OR4K17: variants seen among roughly 807,000 people sequenced by gnomAD.
OR4K17 encodes the protein olfactory receptor family 4 subfamily K member 17.
For missense variants in OR4K17, 480 were observed against 366.3 expected, an observed-to-expected ratio of 1.31 and a Z score of -2.53; for synonymous variants, 157 against 132.8, an observed-to-expected ratio of 1.18 and a Z score of -1.25.
rs758194242 is a variant in OR4K17 at position 20,117,545 on chromosome 14, G to A, written c.46G>A (p.Gly16Arg). The A allele has an allele frequency of 6.2e-7, 1 of 1,613,822 alleles. No homozygotes were observed. The highest frequency in any genetic ancestry group is 8.5e-7 in the Non-Finnish European group (1 of 1,179,932). ...TCAAGTGTCAGAATTCATTTTGCTG[G>A]GACTGACCAGCTCCCAGGATGTAGA... The part of the protein sequence containing the change: ...QSQVSEFILL[G>R]LTSSQDVEFL... Residue 16 changes from glycine (G) to arginine (R), a missense_variant, in exon 2 of 2, where the codon GGA becomes AGA. Physicochemically the swap from Gly to Arg is moderately radical, Grantham distance 125. Coordinates refer to ENST00000641386, the MANE Select transcript of OR4K17 (RefSeq NM_001004715.5).
At position 20,121,326 on chromosome 14, in the gene OR4K17, A is replaced by G. The variant is rs1878163332; in HGVS notation, c.*2888A>G. 6.6e-6 allele frequency: 1 copy of G among 152,240 alleles called. No homozygotes were observed. Among genetic ancestry groups the G allele is most frequent in the Non-Finnish European group, 1.5e-5 (1 of 68,038 alleles). 9.4% of individuals were successfully genotyped at this position (152,240 alleles called of 1,614,324 possible). A position where few individuals can be genotyped will look rare whatever the true frequency, so the allele number is the denominator to read the frequency against. The stretch of plus-strand genomic sequence containing the variant: ...TTAAGGAAGTGCAGTAAAGTCCAAG[A>G]ACATACAGGGAAATAATTCAACAAA... On this transcript the variant is annotated 3_prime_UTR_variant, in exon 2 of 2. Coordinates refer to ENST00000641386, the MANE Select transcript of OR4K17 (RefSeq NM_001004715.5).
At chr14:20,113,749 C>T (rs1459974808) in intron 1 of OR4K17, among the ~76,000 whole-genome samples, 1 of 151,926 alleles carries the variant, frequency 6.6e-6, no homozygotes, top group Non-Finnish European at 1.5e-5. Flanking sequence ...TAATGGCCTT[C>T]CTTCAGTTCC....
At chr14:20,112,385 T>C (rs989651740) in intron 1 of OR4K17, among the ~76,000 whole-genome samples, 8 of 152,062 alleles carry the variant, frequency 5.3e-5, no homozygotes, top group Non-Finnish European at 1.0e-4. Context: ...TTAATCTCTC[T>C]GCTTTGGAAA....
At chr14:20,113,334 A>C (rs985673327) in intron 1 of OR4K17, among the ~76,000 whole-genome samples, 1 of 152,136 alleles carries the variant, frequency 6.6e-6, no homozygotes, top group Middle Eastern at 3.4e-3. Flanking sequence ...AATTATAGTT[A>C]TTCAAAAACT....
At chr14:20,114,033 G>T (rs367653105) in intron 1 of OR4K17, among the ~76,000 whole-genome samples, 7 of 151,928 alleles carry the variant, frequency 4.6e-5, no homozygotes, top group African/African-American at 1.7e-4. Flanking sequence ...ATGCAGCTTG[G>T]TTGGAGAACA....
At position 20,118,709 on chromosome 14, in the gene OR4K17, A is replaced by G. The variant is rs779196735; in HGVS notation, c.*271A>G. ...GCAAGTTTTTATTATGGATTTCAAA[A>G]GGGAGGCAGTGTACGAATAGGGTGT... On this transcript the variant is annotated 3_prime_UTR_variant, in exon 2 of 2. Coordinates refer to ENST00000641386, the MANE Select transcript of OR4K17 (RefSeq NM_001004715.5). 1.5e-4 allele frequency: 43 copies of G among 280,022 alleles called. No homozygotes were observed. Among genetic ancestry groups the G allele is most frequent in the Admixed American group, 3.0e-4 (6 of 20,122 alleles). The allele number at this position is 280,022 out of a possible 1,614,324, so 17.3% of individuals were successfully genotyped here.
In OR4K17 at chr14:20,118,296, C is replaced by T. The variant is rs1366110137; in HGVS notation, c.797C>T (p.Ser266Phe). The change falls in exon 2 of 2, where the codon TCT (serine) becomes TTT (phenylalanine). Residue 266 changes from serine (S) to phenylalanine (F), a missense_variant. Transcript: ENST00000641386. The stretch of plus-strand genomic sequence containing the variant: ...TACATTTGGCCCTTCGGCAACCACT[C>T]TGTAGATAAGTTCCTTGCTGTGTTT... Reference protein sequence around the residue: ...FIYIWPFGNHSVDKFLAVFYT... With the variant: ...FIYIWPFGNHFVDKFLAVFYT... 1 of 1,613,818 alleles carries T rather than the reference C, an allele frequency of 6.2e-7. No homozygotes were observed. Among genetic ancestry groups the T allele is most frequent in the Non-Finnish European group, 8.5e-7 (1 of 1,179,770 alleles).
chr14:20,117,932 G>T lies in OR4K17; in HGVS notation c.433G>T (p.Val145Leu). The change falls in exon 2 of 2, where the codon GTA (valine) becomes TTA (leucine). Residue 145 changes from valine (V) to leucine (L), a missense_variant. By Grantham distance (32) the Val-to-Leu change is conservative. Transcript: ENST00000641386. Reference sequence around the variant, plus strand: ...GAACAAGAAGGTATGTGTTTTGCTTGTAGTGACCTCATGGCTCTTGGGTCT... The same window carrying T: ...GAACAAGAAGGTATGTGTTTTGCTTTTAGTGACCTCATGGCTCTTGGGTCT... ...IMNKKVCVLL[V>L]VTSWLLGLLH... The T allele has an allele frequency of 6.2e-7, 1 of 1,614,088 alleles. No individual in the cohort carries two copies. The highest frequency in any genetic ancestry group is 8.5e-7 in the Non-Finnish European group (1 of 1,180,012).
In OR4K17 at chr14:20,117,516, A is replaced by G; in HGVS notation, c.17A>G (p.Gln6Arg). The change falls in exon 2 of 2, where the codon CAA becomes CGA. Residue 6 changes from glutamine (Q) to arginine (R), a missense_variant. Coordinates refer to ENST00000641386, the MANE Select transcript of OR4K17 (RefSeq NM_001004715.5). ...ATGGAGGCCATGAAACTATTAAATC[A>G]ATCTCAAGTGTCAGAATTCATTTTG... MKLLNQSQVSEFILLG... is the reference protein window; with the variant it reads MKLLNRSQVSEFILLG... 1 of 1,613,910 alleles carries G rather than the reference A, an allele frequency of 6.2e-7. No homozygotes were observed. Among genetic ancestry groups the G allele is most frequent in the East Asian group, 2.2e-5 (1 of 44,868 alleles).
Position 20,119,976 on chromosome 14 carries a change from T to C in OR4K17, c.*1538T>C, listed in dbSNP as rs920160163. The C allele has an allele frequency of 6.6e-6, 1 of 152,226 alleles. No individual in the cohort carries two copies. The highest frequency in any genetic ancestry group is 1.9e-4 in the East Asian group (1 of 5,202). 9.4% of individuals were successfully genotyped at this position (152,226 alleles called of 1,614,324 possible). A position where few individuals can be genotyped will look rare whatever the true frequency, so the allele number is the denominator to read the frequency against. On this transcript the variant is annotated 3_prime_UTR_variant, in exon 2 of 2. Transcript: ENST00000641386. Reference sequence around the variant, plus strand: ...AGATTACAGTAGTCAGTCAAGATTATTTTTAATGCAGCACCAAAAATAATA... The same window carrying C: ...AGATTACAGTAGTCAGTCAAGATTACTTTTAATGCAGCACCAAAAATAATA...
At position 20,118,617 on chromosome 14, in the gene OR4K17, A is replaced by C. The variant is rs1484649409; in HGVS notation, c.*179A>C. 2 of 485,766 alleles carry C rather than the reference A, an allele frequency of 4.1e-6. No homozygotes were observed. Among genetic ancestry groups the C allele is most frequent in the Admixed American group, 7.6e-5 (2 of 26,338 alleles). 30.1% of individuals were successfully genotyped at this position (485,766 alleles called of 1,614,324 possible). ...AGAATACAAAAGAGAGAAATTTTAA[A>C]GCTGGGTGTCCAGGGGAGACATCAC... On this transcript the variant is annotated 3_prime_UTR_variant, in exon 2 of 2. Coordinates refer to ENST00000641386, the MANE Select transcript of OR4K17 (RefSeq NM_001004715.5).
rs755197169 is a variant in OR4K17, at chr14:20,118,453, G to T, written c.*15G>T. 76 of 1,492,474 alleles carry T rather than the reference G, an allele frequency of 5.1e-5. No individual in the cohort carries two copies. The highest frequency in any genetic ancestry group is 6.5e-5 in the Non-Finnish European group (71 of 1,093,088). The allele number at this position is 1,492,474 out of a possible 1,614,324, so 92.5% of individuals were successfully genotyped here. ...AAGATACTTAGATTAAAAATATAATGGTAGAGGCCGGGCATGGTGGCTGAT... is the reference window on the plus strand; with the variant it reads ...AAGATACTTAGATTAAAAATATAATTGTAGAGGCCGGGCATGGTGGCTGAT... On this transcript the variant is annotated 3_prime_UTR_variant, in exon 2 of 2. Transcript: ENST00000641386.
At position 20,119,075 on chromosome 14, in the gene OR4K17, C is replaced by T. The variant is rs1878095413; in HGVS notation, c.*637C>T. On this transcript the variant is annotated 3_prime_UTR_variant, in exon 2 of 2. Transcript: ENST00000641386. ...CCCCCTAGGAATGCATTCTCCTTCTCAGGGTTATTCCTTGCTGAGAAAAAG... is the reference window on the plus strand; with the variant it reads ...CCCCCTAGGAATGCATTCTCCTTCTTAGGGTTATTCCTTGCTGAGAAAAAG... 1 of 152,212 alleles carries T rather than the reference C, an allele frequency of 6.6e-6. No individual in the cohort carries two copies. The highest frequency in any genetic ancestry group is 2.4e-5 in the African/African-American group (1 of 41,446). The allele number at this position is 152,212 out of a possible 1,614,324, so 9.4% of individuals were successfully genotyped here.
rs759066604 is a variant in OR4K17, at chr14:20,118,281, C to A, written c.782C>A (p.Pro261His). The change falls in exon 2 of 2, where the codon CCC becomes CAC. Residue 261 changes from proline to histidine, a missense_variant. Transcript: ENST00000641386. ...FGPCIFIYIWPFGNHSVDKFL... is the reference protein window; with the variant it reads ...FGPCIFIYIWHFGNHSVDKFL... The stretch of plus-strand genomic sequence containing the variant: ...CCATGCATCTTTATCTACATTTGGC[C>A]CTTCGGCAACCACTCTGTAGATAAG... 79 of 1,613,906 alleles carry A rather than the reference C, an allele frequency of 4.9e-5. No individual in the cohort carries two copies. The Middle Eastern group carries it at 9.9e-4, about 20-fold the overall frequency.
intron 1 of OR4K17, among the ~76,000 whole-genome samples, chr14:20,116,894 C>G (rs954619400): frequency 1.3e-5 from 2 of 152,140 alleles, no homozygotes; most frequent in Non-Finnish European, 2.9e-5. Context: ...TAGAAGCCCA[C>G]TGGTGGAAGA....
At position 20,121,865 on chromosome 14, in the gene OR4K17, A is replaced by G. The variant is rs916699655; in HGVS notation, c.*3427A>G. ...GATCAAAACTATCAAAAATAAATAA[A>G]TAAATAACAGCACAACAATAAAAAT... On this transcript the variant is annotated 3_prime_UTR_variant, in exon 2 of 2. Transcript: ENST00000641386. The G allele has an allele frequency of 1.3e-5, 2 of 152,108 alleles. No individual in the cohort carries two copies. The highest frequency in any genetic ancestry group is 2.9e-5 in the Non-Finnish European group (2 of 67,972). 9.4% of individuals were successfully genotyped at this position (152,108 alleles called of 1,614,324 possible).
At chr14:20,116,465 C>A (rs1175638971) in intron 1 of OR4K17, among the ~76,000 whole-genome samples, 1 of 152,088 alleles carries the variant, frequency 6.6e-6, no homozygotes, top group Non-Finnish European at 1.5e-5. Context: ...AGTATGGGGG[C>A]TGTTGCCACT....
intron 1 of OR4K17, among the ~76,000 whole-genome samples, chr14:20,114,871 T>G: frequency 6.6e-6 from 1 of 152,230 alleles, no homozygotes; most frequent in East Asian, 1.9e-4. Context: ...TATCTAATTC[T>G]AAGTTATCTT....
At position 20,118,137 on chromosome 14, in the gene OR4K17, T is replaced by C; in HGVS notation, c.638T>C (p.Ile213Thr). ...SGIISLSCFI[I>T]LLISYSLILI... ...ATAATCTCCCTGAGCTGTTTCATTA[T>C]TTTGCTTATCTCCTACAGTCTGATC... The change falls in exon 2 of 2, where the codon ATT (isoleucine) becomes ACT (threonine). Residue 213 changes from isoleucine (I) to threonine (T), a missense_variant. Physicochemically the swap from Ile to Thr is moderately conservative, Grantham distance 89. Coordinates refer to ENST00000641386, the MANE Select transcript of OR4K17 (RefSeq NM_001004715.5). The C allele has an allele frequency of 6.2e-7, 1 of 1,614,136 alleles. No individual in the cohort carries two copies. The highest frequency in any genetic ancestry group is 8.5e-7 in the Non-Finnish European group (1 of 1,180,014).
Sources: allele counts gnomAD v4.1 joint callset (sites outside exome capture counted in the v4.1 genomes callset), GRCh38; gene constraint gnomAD v4.1.1; transcripts MANE v1.5; gene names NCBI Gene and HGNC (gene_info 2026-07-23, HGNC 2026-07-21).